The following KLHL29 variants were observed in gnomAD, a reference collection of about 807,000 sequenced individuals.
KLHL29 encodes the protein kelch like family member 29.
A neutral mutation model predicts 80.4 loss-of-function variants in KLHL29; 21 were observed. The observed-to-expected ratio is 0.26, with a 90% confidence interval of 0.19 to 0.38. The LOEUF is 0.38. Ranked by LOEUF, KLHL29 falls within the 10% of genes least tolerant of loss-of-function variation. The pLI, the probability that KLHL29 is intolerant of heterozygous loss-of-function variation, is 1.00. For synonymous variants in KLHL29, 511 were observed against 526.8 expected, an observed-to-expected ratio of 0.97 and a Z score of 0.41; for missense variants, 867 against 1,223.9, an observed-to-expected ratio of 0.71 and a Z score of 4.35.
intron 2 of KLHL29, among the ~76,000 whole-genome samples, chr2:23,522,512 G>C (rs1240591233): frequency 6.6e-6 from 1 of 151,618 alleles, no homozygotes; most frequent in Non-Finnish European, 1.5e-5. Flanking sequence ...AAGGATGCTT[G>C]TTCTTATTTC....
At position 23,700,296 on chromosome 2, in the gene KLHL29, C is replaced by T. The variant is rs116086010; in HGVS notation, c.2106-2890C>T. On this transcript the variant is annotated intron_variant, in intron 11 of 13. Transcript: ENST00000486442. This position sits in a 1 kb window ranked among gnomAD's most constrained non-coding sequence, Gnocchi z 4.6. ...AACTCTGAGCCAGTTGTTTTAACCA[C>T]AAAAATTTAACAATTTTTAATTATT... 9.6e-3 allele frequency among the ~76,000 whole-genome samples: 1,463 copies of T among 152,266 alleles called. 15 individuals carry two copies. The highest frequency in any genetic ancestry group is 0.013 in the Non-Finnish European group (912 of 68,018).
chr2:23,668,641 G>A (rs901077332), intron 5 of KLHL29: 1 of 152,232 alleles, frequency 6.6e-6, no homozygotes, highest in Non-Finnish European at 1.5e-5. Context: ...AGGTGGCCAA[G>A]CCCACTCCTC....
rs567857647 is a variant in KLHL29 at position 23,483,941 on chromosome 2, G to A, written c.-46+8274G>A. ...AATCACATGCCTGCCTGCCTCCCAC[G>A]ACCATTAGTGCAGCACATACGACGT... On this transcript the variant is annotated intron_variant, in intron 2 of 13. Transcript: ENST00000486442. Among the ~76,000 whole-genome samples, 63 of 152,184 alleles carry A rather than the reference G, an allele frequency of 4.1e-4. No homozygotes were observed. In the South Asian group the frequency reaches 0.013, roughly 31 times the overall value.
In KLHL29 at chr2:23,629,239, C is replaced by A. The variant is rs558455169; in HGVS notation, c.286-9900C>A. The stretch of plus-strand genomic sequence containing the variant: ...TGTCCGTCTGGGCCACTGGCTCCCG[C>A]ACATCACAGGCATCTGCTGAGGGCC... On this transcript the variant is annotated intron_variant, in intron 3 of 13. Transcript: ENST00000486442. Among the ~76,000 whole-genome samples the A allele has an allele frequency of 5.1e-3, 768 of 151,734 alleles. 5 individuals carry two copies. Among genetic ancestry groups the A allele is most frequent in the African/African-American group, 0.017 (704 of 41,362 alleles).
intron 3 of KLHL29, among the ~76,000 whole-genome samples, chr2:23,613,777 A>AAAAAAAAC: frequency 6.7e-6 from 1 of 149,744 alleles, no homozygotes; most frequent in Non-Finnish European, 1.5e-5. Flanking sequence ...AAAAAAAAAA[A>AAAAAAAAC]AAAAAAAAAA....
intron 2 of KLHL29, among the ~76,000 whole-genome samples, chr2:23,528,791 C>T (rs1197080821): frequency 6.6e-6 from 1 of 152,236 alleles, no homozygotes; most frequent in East Asian, 1.9e-4. Flanking sequence ...CCTAGGGGCG[C>T]ACACATCCCC....
At chr2:23,474,574 C>T (rs1233092422) in intron 1 of KLHL29, among the ~76,000 whole-genome samples, 1 of 152,090 alleles carries the variant, frequency 6.6e-6, no homozygotes, top group East Asian at 1.9e-4. Context: ...AATATTTTTG[C>T]CACCTTCAGC....
chr2:23,477,063 G>A (rs1664660272), intron 2 of KLHL29, among the ~76,000 whole-genome samples: 1 of 152,276 alleles, frequency 6.6e-6, no homozygotes, highest in African/African-American at 2.4e-5. Context: ...AGCTGGCCCA[G>A]CCTTGTATGT....
At chr2:23,481,713 C>T (rs185681897) in intron 2 of KLHL29, among the ~76,000 whole-genome samples, 34 of 152,256 alleles carry the variant, frequency 2.2e-4, no homozygotes, top group South Asian at 8.3e-4. Context: ...GTCAGGAGTT[C>T]GAGACCAGCC....
At chr2:23,446,699 A>T (rs1663699377) in intron 1 of KLHL29, among the ~76,000 whole-genome samples, 1 of 152,220 alleles carries the variant, frequency 6.6e-6, no homozygotes, top group South Asian at 2.1e-4. Context: ...TTGAGAATTC[A>T]CTACATCATT....
intron 6 of KLHL29, among the ~76,000 whole-genome samples, chr2:23,686,685 G>C (rs1671275132): frequency 6.6e-6 from 1 of 152,172 alleles, no homozygotes; most frequent in Non-Finnish European, 1.5e-5. Flanking sequence ...CATCTGGTGT[G>C]TCAAGCTGAG....
intron 5 of KLHL29, chr2:23,671,943 AATAC>A (rs900077531): frequency 6.6e-6 from 1 of 152,310 alleles, no homozygotes; most frequent in African/African-American, 2.4e-5. Context: ...CCCAACCTCC[AATAC>A]ATACCTTTCT....
At chr2:23,674,667 G>A (rs946849672) in intron 5 of KLHL29, among the ~76,000 whole-genome samples, 10 of 152,152 alleles carry the variant, frequency 6.6e-5, no homozygotes, top group Non-Finnish European at 1.3e-4. Context: ...AGGGCTATGA[G>A]CACAGGAGGA....
intron 1 of KLHL29, among the ~76,000 whole-genome samples, chr2:23,448,253 T>C (rs1663766487): frequency 6.6e-6 from 1 of 152,170 alleles, no homozygotes; most frequent in South Asian, 2.1e-4. Flanking sequence ...AGCAGGTTTC[T>C]GGATTTACAA....
chr2:23,416,494 G>T (rs1317901077), intron 1 of KLHL29, among the ~76,000 whole-genome samples: 6 of 152,202 alleles, frequency 3.9e-5, no homozygotes, highest in Middle Eastern at 3.2e-3. Context: ...CAAGTCCAGG[G>T]TCTCTTCATG....
chr2:23,398,272 T>G (rs1314177030), intron 1 of KLHL29, among the ~76,000 whole-genome samples: 2 of 152,208 alleles, frequency 1.3e-5, no homozygotes, highest in Non-Finnish European at 2.9e-5. Context: ...TGGAAGATGA[T>G]TCAGCCTTAA....
chr2:23,519,363 G>A (rs1413633508), intron 2 of KLHL29, among the ~76,000 whole-genome samples: 1 of 141,670 alleles, frequency 7.1e-6, no homozygotes, highest in Non-Finnish European at 1.5e-5. Context: ...CAGGCATTCT[G>A]ACCTGCTAGC....
intron 3 of KLHL29, among the ~76,000 whole-genome samples, chr2:23,597,327 G>A (rs1453407322): frequency 7.2e-6 from 1 of 138,654 alleles, no homozygotes. Flanking sequence ...GTGTGTGTGT[G>A]TGTGTGTGTG....
chr2:23,599,822 C>T (rs748066302), intron 3 of KLHL29, among the ~76,000 whole-genome samples: 8 of 152,156 alleles, frequency 5.3e-5, no homozygotes, highest in Admixed American at 2.0e-4. Flanking sequence ...TGTGCCCGCC[C>T]GACGCCACGT....
Sources: allele counts gnomAD v4.1 joint callset (sites outside exome capture counted in the v4.1 genomes callset), GRCh38; gene constraint gnomAD v4.1.1; non-coding constraint Gnocchi (gnomAD v3.1); transcripts MANE v1.5; gene names NCBI Gene and HGNC (gene_info 2026-07-23, HGNC 2026-07-21).